Variants in LARGE1 observed in about 807,000 individuals in gnomAD.
LARGE1 encodes LARGE xylosyl- and glucuronyltransferase 1.
LARGE1 carries 43 observed loss-of-function variants against 87.6 expected under a neutral mutation model. The observed-to-expected ratio is 0.49, with a 90% CI of 0.38 to 0.63. LARGE1 has a LOEUF of 0.63. Among genes scored for constraint, LARGE1 ranks in the 30% least tolerant of loss-of-function variants. The probability of loss-of-function intolerance (pLI) is 0.00; values close to 1 mark genes in which losing one functional copy is unlikely to be tolerated. For missense variants in LARGE1, 802 were observed against 1,000.2 expected (o/e 0.80, Z 2.67); for synonymous variants, 434 against 394.6 (o/e 1.10, Z -1.18).
intron 3 of LARGE1, among the ~76,000 whole-genome samples, chr22:33,644,347 G>C (rs1412198266): frequency 6.6e-6 from 1 of 152,114 alleles, no homozygotes; most frequent in Non-Finnish European, 1.5e-5. Flanking sequence ...GAAGGTCTTC[G>C]ATAAAATTCA....
rs919769727 is a variant in LARGE1, at chr22:33,210,280, C to T, written c.1731-43448G>A. On this transcript the variant is annotated intron_variant, in intron 11 of 11. Coordinates refer to the LARGE1 transcript ENST00000608642. ...GTATCCTTGTCCTCTTTGCCCTCCA[C>T]AGAGCATGGTCTGGCAGATAGACGG... Among the ~76,000 whole-genome samples the T allele has an allele frequency of 7.9e-5, 12 of 152,362 alleles. No homozygotes were observed. In the South Asian group the frequency reaches 1.0e-3, roughly 13 times the overall value.
At chr22:33,521,485 TG>T (rs917851245) in intron 6 of LARGE1, among the ~76,000 whole-genome samples, 4 of 152,050 alleles carry the variant, frequency 2.6e-5, no homozygotes, top group Non-Finnish European at 5.9e-5. Context: ...GCTCCCAGAG[TG>T]GCAGGGGGAG....
intron 1 of LARGE1, among the ~76,000 whole-genome samples, chr22:33,824,991 CTT>C (rs2062739016): frequency 6.6e-6 from 1 of 152,126 alleles, no homozygotes; most frequent in African/African-American, 2.4e-5. Flanking sequence ...CACTTTGGGT[CTT>C]TGTTTTCTTA....
intron 6 of LARGE1, among the ~76,000 whole-genome samples, chr22:33,498,412 A>T (rs2148344867): frequency 6.6e-6 from 1 of 152,336 alleles, no homozygotes; most frequent in African/African-American, 2.4e-5. Flanking sequence ...CTGTGATTAG[A>T]ACATCTTCTT....
intron 12 of LARGE1, among the ~76,000 whole-genome samples, chr22:33,286,249 G>A (rs1395257445): frequency 1.3e-5 from 2 of 152,218 alleles, no homozygotes; most frequent in East Asian, 1.9e-4. Context: ...CAGGCATCTA[G>A]TGTCAGCTAG....
At chr22:33,894,200 T>C (rs2065075607) in intron 1 of LARGE1, among the ~76,000 whole-genome samples, 1 of 152,112 alleles carries the variant, frequency 6.6e-6, no homozygotes, top group South Asian at 2.1e-4. Flanking sequence ...ACCTGTACCA[T>C]ATGGAGGCCT....
At chr22:33,794,102 C>A (rs1286614797) in intron 1 of LARGE1, among the ~76,000 whole-genome samples, 4 of 152,122 alleles carry the variant, frequency 2.6e-5, no homozygotes, top group Non-Finnish European at 4.4e-5. Flanking sequence ...GGATGCCCAA[C>A]CCCCAAACTC....
intron 2 of LARGE1, among the ~76,000 whole-genome samples, chr22:33,701,317 T>C (rs1413866550): frequency 6.6e-6 from 1 of 151,976 alleles, no homozygotes; most frequent in African/African-American, 2.4e-5. Context: ...AAAGCAAAGG[T>C]GGAATGTGGA....
the LARGE1 span, among the ~76,000 whole-genome samples, chr22:33,101,409 T>C: frequency 4.6e-5 from 7 of 152,210 alleles, no homozygotes; most frequent in Non-Finnish European, 1.0e-4. Context: ...CTTTCTGAGA[T>C]TTTGTAAGTA....
intron 1 of LARGE1, among the ~76,000 whole-genome samples, chr22:33,833,164 T>C (rs537557991): frequency 1.3e-5 from 2 of 152,338 alleles, no homozygotes; most frequent in South Asian, 4.1e-4. Context: ...TATTACATTA[T>C]CTCCTCAATT....
At chr22:33,114,521 T>C in the LARGE1 span, among the ~76,000 whole-genome samples, 2 of 152,236 alleles carry the variant, frequency 1.3e-5, no homozygotes, top group African/African-American at 4.8e-5. Context: ...TCTTAACTTC[T>C]ATTTGCTACT....
At chr22:33,637,182 C>T (rs1262918144) in intron 3 of LARGE1, among the ~76,000 whole-genome samples, 4 of 152,134 alleles carry the variant, frequency 2.6e-5, no homozygotes, top group Non-Finnish European at 5.9e-5. Context: ...GTAAAAGACA[C>T]AGGAATGAGG....
chr22:33,366,878 C>T (rs944918226), intron 9 of LARGE1, among the ~76,000 whole-genome samples: 1 of 151,966 alleles, frequency 6.6e-6, no homozygotes, highest in East Asian at 1.9e-4. Flanking sequence ...AAGTGTTCCT[C>T]TTTTCATATT....
intron 7 of LARGE1, among the ~76,000 whole-genome samples, chr22:33,391,778 T>C (rs2065533884): frequency 6.7e-6 from 1 of 148,838 alleles, no homozygotes; most frequent in Non-Finnish European, 1.5e-5. Flanking sequence ...TTTTTTTTTT[T>C]TTTTTTTTTG....
At chr22:33,824,521 G>A (rs1041286307) in intron 1 of LARGE1, among the ~76,000 whole-genome samples, 2 of 152,070 alleles carry the variant, frequency 1.3e-5, no homozygotes, top group African/African-American at 4.8e-5. Context: ...CAACACATGG[G>A]GATTACAATT....
chr22:33,783,526 T>C (rs934498729), intron 1 of LARGE1, among the ~76,000 whole-genome samples: 1 of 151,972 alleles, frequency 6.6e-6, no homozygotes, highest in African/African-American at 2.4e-5. Context: ...GATCATGCCA[T>C]TTCACTCCAG....
rs146988110 is a variant in LARGE1 at position 33,820,427 on chromosome 22, T to A, written c.-82-58869A>T. 1.5e-3 allele frequency among the ~76,000 whole-genome samples: 227 copies of A among 152,076 alleles called. 1 individual carries two copies. The highest frequency in any genetic ancestry group is 6.8e-3 in the Middle Eastern group (2 of 294). On this transcript the variant is annotated intron_variant, in intron 1 of 14. Coordinates refer to ENST00000397394, the MANE Select transcript of LARGE1 (RefSeq NM_133642.5). Reference sequence around the variant, plus strand: ...GCCTCAAACTCGGGGGCTCAACAGATCCTCCCACCTTAGCCTCCTGAGTAC... The same window carrying A: ...GCCTCAAACTCGGGGGCTCAACAGAACCTCCCACCTTAGCCTCCTGAGTAC...
chr22:33,763,060 A>G (rs2084788250), intron 1 of LARGE1, among the ~76,000 whole-genome samples: 1 of 152,156 alleles, frequency 6.6e-6, no homozygotes, highest in Non-Finnish European at 1.5e-5. Context: ...GTCTGGTTGG[A>G]CTGACTCCTT....
intron 5 of LARGE1, among the ~76,000 whole-genome samples, chr22:33,588,252 A>G (rs2078736215): frequency 6.6e-6 from 1 of 152,232 alleles, no homozygotes. Context: ...CCCATGCATC[A>G]AAGGTATTTA....
Sources: allele counts gnomAD v4.1 joint callset (sites outside exome capture counted in the v4.1 genomes callset), GRCh38; gene constraint gnomAD v4.1.1; transcripts MANE v1.5; gene names NCBI Gene and HGNC (gene_info 2026-07-23, HGNC 2026-07-21).